Variants in LRBA observed in about 807,000 individuals in gnomAD.
LRBA encodes the protein LPS responsive beige-like anchor protein.
A neutral mutation model predicts 330.0 loss-of-function variants in LRBA; 176 were observed. The observed-to-expected ratio is 0.53, with a 90% confidence interval of 0.47 to 0.60. The LOEUF is 0.60. Among genes scored for constraint, LRBA ranks in the 20% least tolerant of loss-of-function variants. LRBA has a pLI of 0.00. For synonymous variants in LRBA, 1,230 were observed against 1,193.0 expected (o/e 1.03, Z -0.64); for missense variants, 3,259 against 3,444.8 (o/e 0.95, Z 1.35).
chr4:150,872,824 T>C (rs1423815333), intron 17 of LRBA, 69 bp from the exon 18 acceptor site: 1 of 667,764 alleles, frequency 1.5e-6, no homozygotes, highest in East Asian at 3.1e-5. Flanking sequence ...TTAAAATATA[T>C]ACTTTTCATA....
intron 46 of LRBA, among the ~76,000 whole-genome samples, chr4:150,420,021 G>T (rs1748414046): frequency 6.6e-6 from 1 of 150,654 alleles, no homozygotes; most frequent in East Asian, 1.9e-4. Context: ...AGGATGGCTT[G>T]TTTCCAGGAG....
At chr4:150,926,843 C>T (rs139342569) in intron 4 of LRBA, among the ~76,000 whole-genome samples, 59 of 152,070 alleles carry the variant, frequency 3.9e-4, no homozygotes, top group African/African-American at 6.0e-4. Flanking sequence ...GAGGCCAAGA[C>T]GGGTGGATCA....
chr4:150,909,112 C>CT lies in LRBA; in HGVS notation c.1162-256dup, dbSNP rs528311925. Among the ~76,000 whole-genome samples the CT allele has an allele frequency of 6.3e-3, 963 of 152,136 alleles. 10 individuals carry two copies. The highest frequency in any genetic ancestry group is 0.022 in the African/African-American group (916 of 41,508). ...CATATTTTATCTTTTTTCGTATATT[C>CT]TTTTTTTAAAATTGTGATCAAAAGC... On this transcript the variant is annotated intron_variant, in intron 9 of 56. Coordinates refer to ENST00000651943, the MANE Select transcript of LRBA (RefSeq NM_001364905.1).
At chr4:150,383,677 T>C (rs1742625821) in intron 47 of LRBA, among the ~76,000 whole-genome samples, 1 of 152,146 alleles carries the variant, frequency 6.6e-6, no homozygotes. Context: ...TTCAGGGAAA[T>C]GTATATGAAT....
At chr4:150,907,135 CA>C (rs556917960) in intron 11 of LRBA, among the ~76,000 whole-genome samples, 2 of 131,622 alleles carry the variant, frequency 1.5e-5, no homozygotes, top group Non-Finnish European at 1.6e-5. Context: ...TCCCACAAAA[CA>C]AAAAAAAAGA....
At chr4:150,934,943 G>A (rs1579252026) in intron 2 of LRBA, among the ~76,000 whole-genome samples, 2 of 151,894 alleles carry the variant, frequency 1.3e-5, no homozygotes. Flanking sequence ...GGGAGGTGGA[G>A]GATGCGGTGA....
chr4:150,507,811 A>G (rs1239305850), intron 40 of LRBA, among the ~76,000 whole-genome samples: 1 of 152,080 alleles, frequency 6.6e-6, no homozygotes, highest in Non-Finnish European at 1.5e-5. Flanking sequence ...ATGGGAGAAA[A>G]TTTTTGCAAC....
At chr4:150,508,751 A>C (rs1761474389) in intron 40 of LRBA, among the ~76,000 whole-genome samples, 1 of 152,224 alleles carries the variant, frequency 6.6e-6, no homozygotes, top group Non-Finnish European at 1.5e-5. Flanking sequence ...TGAAAGAAGA[A>C]ACACATGAAC....
chr4:150,321,257 T>C lies in LRBA; in HGVS notation c.7564A>G (p.Thr2522Ala). 1.9e-6 allele frequency: 3 copies of C among 1,612,074 alleles called. No homozygotes were observed. The highest frequency in any genetic ancestry group is 2.5e-6 in the Non-Finnish European group (3 of 1,179,412). Residue 2522 changes from threonine (T) to alanine (A), a missense_variant, in exon 50 of 57, where the codon ACT (threonine) becomes GCT (alanine). Physicochemically the swap from Thr to Ala is moderately conservative, Grantham distance 58 (BLOSUM62 0). Coordinates refer to ENST00000651943, the MANE Select transcript of LRBA (RefSeq NM_001364905.1). The surrounding 1 kb of genome is among the most constrained non-coding windows in gnomAD (Gnocchi z 4.5). ...GCAGTGACTGTGATCACAGCGGGAG[T>C]TGCCAAACCAGGCTGGGTGTTGGCT... ...VAANTQPGLATPAVITVTANR... is the reference protein window; with the variant it reads ...VAANTQPGLAAPAVITVTANR...
intron 37 of LRBA, among the ~76,000 whole-genome samples, chr4:150,610,361 G>A (rs897529838): frequency 1.3e-5 from 2 of 152,112 alleles, no homozygotes; most frequent in African/African-American, 2.4e-5. Flanking sequence ...AGGCCGAGGT[G>A]GGTGAATCAC....
chr4:150,892,861 T>G (rs1053666069), intron 17 of LRBA, among the ~76,000 whole-genome samples, 191 bp downstream of exon 17: 1 of 152,152 alleles, frequency 6.6e-6, no homozygotes, highest in Non-Finnish European at 1.5e-5. Flanking sequence ...TAGTAACAAA[T>G]AGTAACACAG....
chr4:150,533,005 C>A (rs569495042), intron 40 of LRBA, among the ~76,000 whole-genome samples: 1 of 152,238 alleles, frequency 6.6e-6, no homozygotes, highest in East Asian at 1.9e-4. Context: ...TAACTAAAAA[C>A]TAGACCTACA....
intron 48 of LRBA, among the ~76,000 whole-genome samples, chr4:150,337,595 T>C (rs938483297): frequency 6.6e-6 from 1 of 152,242 alleles, no homozygotes; most frequent in Non-Finnish European, 1.5e-5. Flanking sequence ...TGGCTTCTCA[T>C]TGTACAGTTC....
chr4:150,828,920 GGGGTGTGTGT>G (rs1395034642), intron 29 of LRBA, among the ~76,000 whole-genome samples: 1,211 of 53,306 alleles, frequency 0.023, 11 homozygotes, highest in African/African-American at 0.036. Flanking sequence ...ATCTTTTTTG[GGGGTGTGTGT>G]GTGTGTGTGT....
chr4:150,828,758 T>A, intron 29 of LRBA, 137 bp from the exon 30 acceptor site: 1 of 687,844 alleles, frequency 1.5e-6, no homozygotes, highest in South Asian at 1.8e-5. Context: ...CAAAAACTAA[T>A]TACGTATTCT....
chr4:150,605,441 CCTAG>C (rs1177611328), intron 37 of LRBA, among the ~76,000 whole-genome samples: 1 of 152,142 alleles, frequency 6.6e-6, no homozygotes, highest in Non-Finnish European at 1.5e-5. Flanking sequence ...AAGAAATTCT[CCTAG>C]CTAAAGTTCC....
At chr4:150,915,444 A>G (rs1310635422) in intron 8 of LRBA, among the ~76,000 whole-genome samples, 164 bp downstream of exon 8, 1 of 152,154 alleles carries the variant, frequency 6.6e-6, no homozygotes, top group Non-Finnish European at 1.5e-5. Context: ...CTAATATTTC[A>G]GTGACATATT....
chr4:150,555,013 G>A (rs1175812405), intron 40 of LRBA, among the ~76,000 whole-genome samples: 1 of 152,156 alleles, frequency 6.6e-6, no homozygotes, highest in Non-Finnish European at 1.5e-5. Context: ...TACGATAGTT[G>A]TAAGGGTTAG....
chr4:150,390,827 A>T (rs1437947381), intron 47 of LRBA, among the ~76,000 whole-genome samples: 20 of 152,234 alleles, frequency 1.3e-4, no homozygotes, highest in Admixed American at 3.3e-4. Flanking sequence ...ATAAGGCTAA[A>T]TAAACTGTTC....
Sources: gnomAD v4.1 joint callset for allele counts (sites outside exome capture counted in the v4.1 genomes callset) on GRCh38, gnomAD v4.1.1 for gene constraint, Gnocchi (gnomAD v3.1) non-coding constraint, MANE v1.5 for transcripts, NCBI Gene and HGNC (gene_info 2026-07-23, HGNC 2026-07-21) for gene names.